CTPS2: variants seen among roughly 807,000 people sequenced by gnomAD.
CTPS2 encodes the protein CTP synthase 2.
CTPS2 carries 19 observed loss-of-function variants against 46.8 expected under a neutral mutation model. The ratio of observed to expected loss-of-function variants is 0.41; its 90% confidence interval spans 0.28 to 0.60. The LOEUF (loss-of-function observed/expected upper bound fraction) is 0.60. Among genes scored for constraint, CTPS2 ranks in the 20% least tolerant of loss-of-function variants. CTPS2 has a pLI of 0.35. For missense variants in CTPS2, 286 were observed against 447.6 expected (o/e 0.64, Z 3.26); for synonymous variants, 151 against 165.2 (o/e 0.91, Z 0.66).
intron 7 of CTPS2, among the ~76,000 whole-genome samples, chrX:16,691,002 G>C (rs891706152): frequency 8.9e-6 from 1 of 112,557 alleles, no homozygotes; most frequent in Admixed American, 9.5e-5. Context: ...TCTCTCTCTA[G>C]AGGTTTGACT....
At chrX:16,665,127 A>T (rs1178774711) in intron 13 of CTPS2, among the ~76,000 whole-genome samples, 1 of 112,418 alleles carries the variant, frequency 8.9e-6, no homozygotes, top group Non-Finnish European at 1.9e-5. Flanking sequence ...ATCATCAAAA[A>T]GACAGAAATA....
At chrX:16,611,207 C>T (rs186611459) in intron 16 of CTPS2, among the ~76,000 whole-genome samples, 4 of 111,976 alleles carry the variant, frequency 3.6e-5, no homozygotes, top group Non-Finnish European at 7.5e-5. Flanking sequence ...TCCCAGCACT[C>T]TGGGAGGCCA....
intron 13 of CTPS2, chrX:16,651,056 A>G (rs749870927): frequency 2.5e-6 from 3 of 1,206,003 alleles, no homozygotes; most frequent in Non-Finnish European, 3.4e-6. Flanking sequence ...TTTGAAAAAT[A>G]TGCAGCCAAA....
intron 8 of CTPS2, among the ~76,000 whole-genome samples, chrX:16,685,499 C>T (rs1923106182): frequency 9.0e-6 from 1 of 110,587 alleles, no homozygotes; most frequent in Admixed American, 9.7e-5. Context: ...GATACTACTT[C>T]AAGCTGCTGT....
At chrX:16,618,743 ATCT>A (rs757855489) in intron 15 of CTPS2, among the ~76,000 whole-genome samples, 2 of 112,248 alleles carry the variant, frequency 1.8e-5, no homozygotes, top group Admixed American at 1.9e-4. Flanking sequence ...TCATTTGTAC[ATCT>A]TCTTTGAAGA....
At chrX:16,640,813 G>T (rs1932043730) in intron 13 of CTPS2, among the ~76,000 whole-genome samples, 1 of 110,949 alleles carries the variant, frequency 9.0e-6, no homozygotes, top group Non-Finnish European at 1.9e-5. Flanking sequence ...GCCACATATT[G>T]CTCTACAGGA....
Position 16,636,335 on chromosome X carries a change from C to T in CTPS2, c.1393+2812G>A, listed in dbSNP as rs770447804. Among the ~76,000 whole-genome samples the T allele has an allele frequency of 3.2e-3, 356 of 111,506 alleles. 2 individuals are homozygous for T. The highest frequency in any genetic ancestry group is 0.011 in the African/African-American group (335 of 30,659). ...GCTTAAACCCAGGAGGTGAAGGTTG[C>T]GGTGAGCCGAGATCATGCCACTGCA... On this transcript the variant is annotated intron_variant, in intron 14 of 18. Transcript: ENST00000359276.
intron 1 of CTPS2, among the ~76,000 whole-genome samples, chrX:16,711,212 T>A (rs1431941355): frequency 3.6e-5 from 4 of 112,468 alleles, no homozygotes; most frequent in Non-Finnish European, 7.5e-5. Flanking sequence ...TGTTAATATA[T>A]GTTATTTAAC....
At chrX:16,670,284 CAG>C (rs1263206627) in intron 11 of CTPS2, among the ~76,000 whole-genome samples, 1 of 111,999 alleles carries the variant, frequency 8.9e-6, no homozygotes, top group Non-Finnish European at 1.9e-5. Context: ...TAGCCTCTTT[CAG>C]ATAGTAAAGC....
At chrX:16,619,476 G>C (rs1175279931) in intron 15 of CTPS2, among the ~76,000 whole-genome samples, 1 of 111,375 alleles carries the variant, frequency 9.0e-6, no homozygotes, top group Non-Finnish European at 1.9e-5. Flanking sequence ...CAGCCACCTG[G>C]GAACTATATG....
intron 8 of CTPS2, among the ~76,000 whole-genome samples, chrX:16,685,609 A>G (rs1347026184): frequency 9.2e-6 from 1 of 108,985 alleles, no homozygotes; most frequent in Admixed American, 9.9e-5. Context: ...CTGTAATCCC[A>G]GCAGTTTGGG....
intron 17 of CTPS2, among the ~76,000 whole-genome samples, chrX:16,601,582 G>A (rs989017146): frequency 3.8e-5 from 4 of 104,180 alleles, no homozygotes; most frequent in African/African-American, 1.4e-4. Context: ...CGGGGGGGGG[G>A]GGGTTTAAGT....
chrX:16,639,626 A>G (rs1378872946), intron 13 of CTPS2, among the ~76,000 whole-genome samples: 1 of 109,766 alleles, frequency 9.1e-6, no homozygotes, highest in Non-Finnish European at 1.9e-5. Context: ...TGCCCAGTGC[A>G]TTCCCTAAAG....
chrX:16,671,841 C>T lies in CTPS2; in HGVS notation c.1095-1167G>A, dbSNP rs551673050. Among the ~76,000 whole-genome samples, 73 of 110,909 alleles carry T rather than the reference C, an allele frequency of 6.6e-4. 1 individual carries two copies. The South Asian group carries it at 0.021, about 32-fold the overall frequency. On this transcript the variant is annotated intron_variant, in intron 10 of 18. Transcript: ENST00000359276. Reference sequence around the variant, plus strand: ...CCAGTAACATCTTTCTAGTGAAACACGGAAAGAACAATACTGAAGAGACCC... The same window carrying T: ...CCAGTAACATCTTTCTAGTGAAACATGGAAAGAACAATACTGAAGAGACCC...
At chrX:16,626,599 A>C (rs527700756) in intron 14 of CTPS2, among the ~76,000 whole-genome samples, 23 of 111,473 alleles carry the variant, frequency 2.1e-4, no homozygotes, top group African/African-American at 7.5e-4. Context: ...AAAAATTTTT[A>C]AAATAAAAAA....
intron 1 of CTPS2, among the ~76,000 whole-genome samples, chrX:16,704,666 C>T (rs1035388873): frequency 9.0e-5 from 10 of 110,918 alleles, no homozygotes; most frequent in African/African-American, 3.3e-4. Flanking sequence ...ACAGACTTTC[C>T]GCCGGGCACG....
At chrX:16,591,217 T>G (rs1928883361) in intron 17 of CTPS2, among the ~76,000 whole-genome samples, 2 of 112,153 alleles carry the variant, frequency 1.8e-5, no homozygotes, top group African/African-American at 6.5e-5. Flanking sequence ...TCCTGCCACC[T>G]TAACTATTGC....
intron 13 of CTPS2, among the ~76,000 whole-genome samples, chrX:16,655,048 T>C (rs941388899): frequency 1.8e-5 from 2 of 111,858 alleles, no homozygotes; most frequent in African/African-American, 6.5e-5. Context: ...AATCACCCTG[T>C]TGCTTGCTCT....
At chrX:16,698,699 C>A (rs1924323800) in intron 3 of CTPS2, among the ~76,000 whole-genome samples, 1 of 110,686 alleles carries the variant, frequency 9.0e-6, no homozygotes. Flanking sequence ...TACAGGCATG[C>A]GCCACCATGC....
Sources: allele counts gnomAD v4.1 joint callset (sites outside exome capture counted in the v4.1 genomes callset), GRCh38; gene constraint gnomAD v4.1.1; transcripts MANE v1.5; gene names NCBI Gene and HGNC (gene_info 2026-07-23, HGNC 2026-07-21).